The following PPP2R2D variants were observed in gnomAD, a reference collection of about 807,000 sequenced individuals.
PPP2R2D encodes the protein serine/threonine-protein phosphatase 2A 55 kDa regulatory subunit B delta isoform.
In PPP2R2D, 9 loss-of-function variants were observed where a neutral mutation model predicts 31.1. That is an observed-to-expected ratio of 0.29 (90% CI 0.17 to 0.51). The LOEUF is 0.51. PPP2R2D is among the 20% of genes least tolerant of loss of function. The probability of loss-of-function intolerance (pLI) is 0.98; values close to 1 mark genes in which losing one functional copy is unlikely to be tolerated. For missense variants in PPP2R2D, 391 were observed against 465.6 expected (o/e 0.84, Z 1.48); for synonymous variants, 179 against 172.6 (o/e 1.04, Z -0.29).
rs781990716 is a variant in PPP2R2D, at chr10:131,944,065, A to G, written c.575A>G (p.Asn192Ser). ...HTYHINSISVNSDHETYLSAD... is the reference protein window; with the variant it reads ...HTYHINSISVSSDHETYLSAD... The stretch of plus-strand genomic sequence containing the variant: ...TATCATATAAATTCCATTTCAGTAA[A>G]TAGTGATCATGAAACATATCTTTCT... The change falls in exon 6 of 9, where the codon AAT becomes AGT. Residue 192 changes from asparagine (N) to serine (S), a missense_variant. Physicochemically the swap from Asn to Ser is conservative, Grantham distance 46. Around this residue, in one of 3 missense-constraint regions of PPP2R2D, gnomAD observed 123 missense variants for 187.7 expected, o/e 0.66. Coordinates refer to ENST00000455566, the MANE Select transcript of PPP2R2D (RefSeq NM_018461.5). 1 of 1,607,654 alleles carries G rather than the reference A, an allele frequency of 6.2e-7. No individual in the cohort carries two copies.
In PPP2R2D at chr10:131,945,729, G is replaced by T. The variant is rs1388845222; in HGVS notation, c.820+270G>T. 7 of 393,680 alleles carry T rather than the reference G, an allele frequency of 1.8e-5. No homozygotes were observed. Among genetic ancestry groups the T allele is most frequent in the African/African-American group, 1.2e-4 (6 of 49,460 alleles). The allele number at this position is 393,680 out of a possible 1,614,324, so 24.4% of individuals were successfully genotyped here. On this transcript the variant is annotated intron_variant, in intron 7 of 8. Transcript: ENST00000455566. This position sits in a 1 kb window ranked among gnomAD's most constrained non-coding sequence, Gnocchi z 4.8. ...GCCTCCCAAAGTGCTGGGATTACAG[G>T]TGTGAGTCACCGCACCTGGTCACGC...
At chr10:131,927,356 G>T (rs546372997) in intron 2 of PPP2R2D, among the ~76,000 whole-genome samples, 3 of 152,312 alleles carry the variant, frequency 2.0e-5, no homozygotes, top group African/African-American at 7.2e-5. Context: ...GTCAGGGATT[G>T]CAAGTTTCAG....
At chr10:131,917,092 C>CATGGGTGGAATG (rs2035814122) in intron 2 of PPP2R2D, among the ~76,000 whole-genome samples, 1 of 128,328 alleles carries the variant, frequency 7.8e-6, no homozygotes, top group East Asian at 2.2e-4. Context: ...AGGGACCTCA[C>CATGGGTGGAATG]ACGGGTGGAA....
At chr10:131,925,202 C>G (rs1554894739) in intron 2 of PPP2R2D, among the ~76,000 whole-genome samples, 1 of 152,178 alleles carries the variant, frequency 6.6e-6, no homozygotes. Context: ...TAGAAGTTAG[C>G]AAATCAAACA....
chr10:131,934,988 C>T (rs1179536877), intron 3 of PPP2R2D: 2 of 455,094 alleles, frequency 4.4e-6, no homozygotes, highest in Admixed American at 4.7e-5. Flanking sequence ...TGTGAATTCT[C>T]TCTTCCCTTC....
chr10:131,930,235 A>G (rs1486812689), intron 2 of PPP2R2D, among the ~76,000 whole-genome samples: 2 of 149,820 alleles, frequency 1.3e-5, no homozygotes, highest in Non-Finnish European at 3.0e-5. Context: ...TTTTTTTTTT[A>G]GCAAACACTT....
At position 131,901,104 on chromosome 10, in the gene PPP2R2D, C is replaced by G. The variant is rs1259527832; in HGVS notation, c.-45C>G. On this transcript the variant is annotated 5_prime_UTR_variant, in exon 1 of 9. Coordinates refer to ENST00000455566, the MANE Select transcript of PPP2R2D (RefSeq NM_018461.5). ...TCGGCTGCAGCGGCGCGGAGGCCGT[C>G]TCCCTGGTCTGCCGCGGTCCCCGCC... The G allele has an allele frequency of 3.7e-5, 8 of 219,120 alleles. No individual in the cohort carries two copies. Among genetic ancestry groups the G allele is most frequent in the Non-Finnish European group, 5.3e-5 (6 of 113,880 alleles). The allele number at this position is 219,120 out of a possible 1,614,324, so 13.6% of individuals were successfully genotyped here. A position where few individuals can be genotyped will look rare whatever the true frequency, so the allele number is the denominator to read the frequency against.
Position 131,944,422 on chromosome 10 carries a change from T to G in PPP2R2D, c.655+277T>G, listed in dbSNP as rs566056361. Among the ~76,000 whole-genome samples the G allele has an allele frequency of 3.3e-5, 5 of 151,848 alleles. No individual in the cohort carries two copies. The South Asian group carries it at 1.0e-3, about 32-fold the overall frequency. On this transcript the variant is annotated intron_variant, in intron 6 of 8. Coordinates refer to ENST00000455566, the MANE Select transcript of PPP2R2D (RefSeq NM_018461.5). ...AGAGGCAGTTTTAAATAGGCTACAT[T>G]TGAAAAACCAACATTATGTGTTCTT...
intron 6 of PPP2R2D, 36 bp downstream of exon 6, chr10:131,944,181 A>C (rs1166590029): frequency 6.4e-7 from 1 of 1,561,952 alleles, no homozygotes; most frequent in African/African-American, 1.4e-5. Context: ...CGTCTTCCCG[A>C]GGGTGCTCTT....
intron 3 of PPP2R2D, among the ~76,000 whole-genome samples, chr10:131,936,159 T>G (rs1314726719): frequency 2.0e-5 from 3 of 151,918 alleles, no homozygotes; most frequent in African/African-American, 7.3e-5. Flanking sequence ...GGAGTTTTTG[T>G]TTTTTTGAGA....
Position 131,947,608 on chromosome 10 carries a change from G to A in PPP2R2D, c.899G>A (p.Ser300Asn), listed in dbSNP as rs782441161. 1.9e-6 allele frequency: 3 copies of A among 1,614,132 alleles called. No homozygotes were observed. The highest frequency in any genetic ancestry group is 2.5e-6 in the Non-Finnish European group (3 of 1,180,054). Residue 300 changes from serine (S) to asparagine (N), a missense_variant, in exon 8 of 9, where the codon AGT becomes AAT. By Grantham distance (46) the Ser-to-Asn change is conservative. This residue lies in a region of PPP2R2D where 123 missense variants were observed against 187.7 expected (regional missense o/e 0.66). Coordinates refer to ENST00000455566, the MANE Select transcript of PPP2R2D (RefSeq NM_018461.5). This position sits in a 1 kb window ranked among gnomAD's most constrained non-coding sequence, Gnocchi z 4.3. ...TCATCCATATCCGATGTAAAATTCA[G>A]TCATAGTGGGCGGTACATGATGACC... ...IISSISDVKFSHSGRYMMTRD... is the reference protein window; with the variant it reads ...IISSISDVKFNHSGRYMMTRD...
chr10:131,901,465 C>A, intron 2 of PPP2R2D, 135 bp downstream of exon 2: 1 of 320,598 alleles, frequency 3.1e-6, no homozygotes, highest in Non-Finnish European at 5.7e-6. Context: ...GGGCCAGGGG[C>A]CGAGCTGGGG....
intron 8 of PPP2R2D, among the ~76,000 whole-genome samples, chr10:131,953,533 A>C (rs1291661932): frequency 1.8e-5 from 2 of 111,208 alleles, no homozygotes; most frequent in Admixed American, 2.4e-4. Context: ...AGGGGGTTTC[A>C]CTGTCTTAGC....
rs782779479 is a variant in PPP2R2D, at chr10:131,940,041, G to A, written c.209G>A (p.Arg70His). 2 of 740,080 alleles carry A rather than the reference G, an allele frequency of 2.7e-6. No homozygotes were observed. Among genetic ancestry groups the A allele is most frequent in the Non-Finnish European group, 5.0e-6 (2 of 399,266 alleles). The allele number at this position is 740,080 out of a possible 1,614,324, so 45.8% of individuals were successfully genotyped here. A position where few individuals can be genotyped will look rare whatever the true frequency, so the allele number is the denominator to read the frequency against. Residue 70 changes from arginine to histidine, a missense_variant, in exon 4 of 9, where the codon CGC becomes CAC. By Grantham distance (29) the Arg-to-His change is conservative. Around this residue, in one of 3 missense-constraint regions of PPP2R2D, gnomAD observed 105 missense variants for 98.5 expected, o/e 1.07. Transcript: ENST00000455566. Reference sequence around the variant, plus strand: ...CATGTTTCCTTGCAGAATAAAAGCCGCCCTCATTCTAGGGGAGAATATAAT... The same window carrying A: ...CATGTTTCCTTGCAGAATAAAAGCCACCCTCATTCTAGGGGAGAATATAAT... ...IFQREQENKS[R>H]PHSRGEYNVY... is the part of the protein sequence containing the mutation.
the PPP2R2D span, chr10:131,970,530 C>G: frequency 7.0e-7 from 1 of 1,423,398 alleles, no homozygotes; most frequent in Non-Finnish European, 9.4e-7. This position sits in a 1 kb window ranked among gnomAD's most constrained non-coding sequence, Gnocchi z 4.1. Context: ...ATGCACCAAG[C>G]TGTAACTGAT....
Position 131,956,103 on chromosome 10 carries a change from C to T in PPP2R2D, c.*140C>T. 13 of 1,266,898 alleles carry T rather than the reference C, an allele frequency of 1.0e-5. No individual in the cohort carries two copies. Among genetic ancestry groups the T allele is most frequent in the Non-Finnish European group, 1.3e-5 (13 of 1,007,978 alleles). 78.5% of individuals were successfully genotyped at this position (1,266,898 alleles called of 1,614,324 possible). Reference sequence around the variant, plus strand: ...CCTTCACAGACACAGGAGAAAGCCGCCTCCGCTGGAGGCCCGGTGTGGTTC... The same window carrying T: ...CCTTCACAGACACAGGAGAAAGCCGTCTCCGCTGGAGGCCCGGTGTGGTTC... On this transcript the variant is annotated 3_prime_UTR_variant, in exon 9 of 9. Coordinates refer to ENST00000455566, the MANE Select transcript of PPP2R2D (RefSeq NM_018461.5).
At chr10:131,964,986 A>AT in the PPP2R2D span, among the ~76,000 whole-genome samples, 5 of 151,952 alleles carry the variant, frequency 3.3e-5, no homozygotes, top group South Asian at 2.1e-4. Context: ...ATTCACCCTA[A>AT]TTTTTTTGCA....
At position 131,901,337 on chromosome 10, in the gene PPP2R2D, C is replaced by G. The variant is rs1299356324; in HGVS notation, c.100+7C>G. On this transcript the variant is annotated splice_region_variant and intron_variant, in intron 2 of 8. Transcript: ENST00000455566. ...GACGAGGACGTGGCCGAAGGTGAGC[C>G]CCGCGCCGCGCCCCGCCCCGGGACC... is the stretch of plus-strand genomic sequence containing the variant. The G allele has an allele frequency of 2.8e-6, 1 of 357,806 alleles. No individual in the cohort carries two copies. The highest frequency in any genetic ancestry group is 5.0e-6 in the Non-Finnish European group (1 of 199,612). The allele number at this position is 357,806 out of a possible 1,614,324, so 22.2% of individuals were successfully genotyped here. A position where few individuals can be genotyped will look rare whatever the true frequency, so the allele number is the denominator to read the frequency against.
intron 5 of PPP2R2D, among the ~76,000 whole-genome samples, chr10:131,943,559 G>C (rs1421791145): frequency 6.6e-6 from 1 of 152,148 alleles, no homozygotes; most frequent in Non-Finnish European, 1.5e-5. Context: ...GCAGTGAGAA[G>C]AGGTGTGTGC....
Sources: gnomAD v4.1 joint callset for allele counts (sites outside exome capture counted in the v4.1 genomes callset) on GRCh38, gnomAD v4.1.1 for gene constraint, gnomAD v4.1.1 regional missense constraint, Gnocchi (gnomAD v3.1) non-coding constraint, MANE v1.5 for transcripts, NCBI Gene and HGNC (gene_info 2026-07-23, HGNC 2026-07-21) for gene names.